BCAS3: variants seen among roughly 807,000 people sequenced by gnomAD.
The protein encoded by BCAS3 is BCAS4/BCAS3 fusion.
Under a neutral mutation model 116.1 loss-of-function variants are expected in BCAS3, and 53 were observed. The observed-to-expected ratio is 0.46, with a 90% CI of 0.37 to 0.57. The LOEUF (loss-of-function observed/expected upper bound fraction) is 0.57, where lower values mean the gene tolerates loss of function less well. BCAS3 is among the 20% of genes least tolerant of loss of function. The pLI is 0.00. For missense variants in BCAS3, 917 were observed against 1,165.4 expected (o/e 0.79, Z 3.10); for synonymous variants, 391 against 408.2 (o/e 0.96, Z 0.51).
chr17:61,095,818 G>C lies in BCAS3; in HGVS notation c.2425+11254G>C, dbSNP rs559899787. Among the ~76,000 whole-genome samples the C allele has an allele frequency of 2.8e-4, 43 of 151,114 alleles. No individual in the cohort carries two copies. The highest frequency in any genetic ancestry group is 2.8e-3 in the Admixed American group (43 of 15,154). On this transcript the variant is annotated intron_variant, in intron 22 of 23. Transcript: ENST00000407086. The surrounding 1 kb of genome is among the most constrained non-coding windows in gnomAD (Gnocchi z 4.7). ...TGGGATCCTGAATTTTAAAATGTTT[G>C]AAAACCACTGGTATGCATATTCTCG... is the stretch of plus-strand genomic sequence containing the variant.
At chr17:61,321,472 A>C (rs2055205016) in intron 22 of BCAS3, among the ~76,000 whole-genome samples, 1 of 152,202 alleles carries the variant, frequency 6.6e-6, no homozygotes, top group Non-Finnish European at 1.5e-5. Context: ...CAAAAGCAGC[A>C]ATGGTGAGTG....
Position 61,366,051 on chromosome 17 carries a change from G to A in BCAS3, c.2426-2276G>A, listed in dbSNP as rs1300359707. Among the ~76,000 whole-genome samples the A allele has an allele frequency of 1.3e-5, 2 of 151,870 alleles. No homozygotes were observed. The highest frequency in any genetic ancestry group is 4.8e-5 in the African/African-American group (2 of 41,320). ...CCAGCTACTCGGGAGGCTGAGACAC[G>A]AGAATCGCCTGGACCCAGGAGGCAG... On this transcript the variant is annotated intron_variant, in intron 22 of 23. Coordinates refer to ENST00000407086, the MANE Select transcript of BCAS3 (RefSeq NM_017679.5). This position sits in a 1 kb window ranked among gnomAD's most constrained non-coding sequence, Gnocchi z 4.5.
Position 60,919,910 on chromosome 17 carries a change from T to C in BCAS3, c.994-4497T>C, listed in dbSNP as rs184999029. 3.1e-3 allele frequency among the ~76,000 whole-genome samples: 476 copies of C among 152,222 alleles called. 1 individual carries two copies. Among genetic ancestry groups the C allele is most frequent in the Middle Eastern group, 0.017 (5 of 294 alleles). On this transcript the variant is annotated intron_variant, in intron 12 of 23. Coordinates refer to ENST00000407086, the MANE Select transcript of BCAS3 (RefSeq NM_017679.5). ...AACAGAGGACTTAAAATATTAATGC[T>C]AAAAATATTTTCTAAACACAAAAGA...
intron 13 of BCAS3, among the ~76,000 whole-genome samples, chr17:60,931,070 C>T (rs1432782390): frequency 6.6e-6 from 1 of 151,570 alleles, no homozygotes; most frequent in African/African-American, 2.4e-5. Flanking sequence ...TTTTTAATTC[C>T]CATTCTTATT....
intron 22 of BCAS3, among the ~76,000 whole-genome samples, chr17:61,271,262 G>A (rs1399628729): frequency 6.7e-6 from 1 of 149,908 alleles, no homozygotes; most frequent in Non-Finnish European, 1.5e-5. Flanking sequence ...CAAGTAGCTG[G>A]GATTACAGGC....
At chr17:61,018,750 C>G (rs1466554473) in intron 16 of BCAS3, among the ~76,000 whole-genome samples, 4 of 152,082 alleles carry the variant, frequency 2.6e-5, no homozygotes, top group African/African-American at 7.2e-5. Context: ...TACCCTTATC[C>G]CTACATACTT....
At chr17:61,159,051 T>C (rs1049021131) in intron 22 of BCAS3, among the ~76,000 whole-genome samples, 2 of 152,356 alleles carry the variant, frequency 1.3e-5, no homozygotes, top group African/African-American at 2.4e-5. Context: ...ATTCATACAT[T>C]TTATCCTTTA....
chr17:60,775,154 T>A (rs999461203), intron 6 of BCAS3, among the ~76,000 whole-genome samples: 2 of 152,224 alleles, frequency 1.3e-5, no homozygotes, highest in African/African-American at 4.8e-5. Context: ...TTCAAACACT[T>A]TGAAAGATGC....
intron 6 of BCAS3, among the ~76,000 whole-genome samples, chr17:60,801,576 G>C (rs1472940096): frequency 6.6e-6 from 1 of 151,978 alleles, no homozygotes; most frequent in African/African-American, 2.4e-5. Context: ...TCTGACCTCA[G>C]AGGAAAAGCA....
At chr17:60,799,520 G>GTTTTT (rs200098763) in intron 6 of BCAS3, among the ~76,000 whole-genome samples, 2,428 of 117,366 alleles carry the variant, frequency 0.021, 250 homozygotes, top group African/African-American at 0.046. Context: ...TGAGATTAGT[G>GTTTTT]TTTGTTTTTT....
At chr17:61,103,061 A>T (rs534562358) in intron 22 of BCAS3, among the ~76,000 whole-genome samples, 96 of 152,236 alleles carry the variant, frequency 6.3e-4, no homozygotes, top group Middle Eastern at 3.4e-3. Context: ...TTTTAGCTAT[A>T]ATGTGCTTTG....
chr17:61,352,748 C>T lies in BCAS3; in HGVS notation c.2426-15579C>T, dbSNP rs1231115243. On this transcript the variant is annotated intron_variant, in intron 22 of 23. Coordinates refer to ENST00000407086, the MANE Select transcript of BCAS3 (RefSeq NM_017679.5). The surrounding 1 kb of genome is among the most constrained non-coding windows in gnomAD (Gnocchi z 4.7). ...AAGTGGAGCCTTCTCTGCAGGCAAG[C>T]CTGGACTCCCCACCCCTCTCCTCTA... Among the ~76,000 whole-genome samples the T allele has an allele frequency of 6.6e-6, 1 of 152,168 alleles. No homozygotes were observed. The highest frequency in any genetic ancestry group is 6.5e-5 in the Admixed American group (1 of 15,282).
rs182507467 is a variant in BCAS3 at position 60,946,638 on chromosome 17, G to A, written c.1088-581G>A. ...TTGAAAAATGATTGTGGCTGGGCACGGTGGCTCATGCCTGTAATCTCAGAG... is the reference window on the plus strand; with the variant it reads ...TTGAAAAATGATTGTGGCTGGGCACAGTGGCTCATGCCTGTAATCTCAGAG... On this transcript the variant is annotated intron_variant, in intron 13 of 23. Transcript: ENST00000407086. Among the ~76,000 whole-genome samples, 23 of 152,244 alleles carry A rather than the reference G, an allele frequency of 1.5e-4. No individual in the cohort carries two copies. The East Asian group carries it at 4.1e-3, about 27-fold the overall frequency.
At chr17:60,789,744 G>C (rs1264138428) in intron 6 of BCAS3, among the ~76,000 whole-genome samples, 1 of 152,160 alleles carries the variant, frequency 6.6e-6, no homozygotes, top group African/African-American at 2.4e-5. Context: ...GGAGGATTAT[G>C]TTATGGGAGG....
rs1177467985 is a variant in BCAS3 at position 60,990,339 on chromosome 17, AAAG to A, written c.1486+109_1486+111del. ...AACTTGTTATAGTCTGTTCATGTAA[AAAG>A]AAGATCTTAGGCTTATATGAAATTC... On this transcript the variant is annotated intron_variant, in intron 15 of 23. Transcript: ENST00000407086. This position sits in a 1 kb window ranked among gnomAD's most constrained non-coding sequence, Gnocchi z 5.1. 3 of 1,250,662 alleles carry A rather than the reference AAAG, an allele frequency of 2.4e-6. No individual in the cohort carries two copies. Among genetic ancestry groups the A allele is most frequent in the East Asian group, 2.3e-5 (1 of 42,674 alleles). 77.5% of individuals were successfully genotyped at this position (1,250,662 alleles called of 1,614,324 possible).
chr17:60,758,341 T>G (rs1166538405), intron 6 of BCAS3, among the ~76,000 whole-genome samples: 2 of 152,188 alleles, frequency 1.3e-5, no homozygotes, highest in Non-Finnish European at 1.5e-5. Context: ...AAGAACCAAC[T>G]TTTTGTTTCA....
At position 61,106,955 on chromosome 17, in the gene BCAS3, T is replaced by G. The variant is rs950738569; in HGVS notation, c.2425+22391T>G. 6.6e-6 allele frequency among the ~76,000 whole-genome samples: 1 copy of G among 152,194 alleles called. No individual in the cohort carries two copies. The highest frequency in any genetic ancestry group is 1.5e-5 in the Non-Finnish European group (1 of 68,034). Reference sequence around the variant, plus strand: ...AGAATACGTATATTTTTAAGTCACTTTATGTTTACATATTGCCAGGTTGCC... The same window carrying G: ...AGAATACGTATATTTTTAAGTCACTGTATGTTTACATATTGCCAGGTTGCC... On this transcript the variant is annotated intron_variant, in intron 22 of 23. Transcript: ENST00000407086. The surrounding 1 kb of genome is among the most constrained non-coding windows in gnomAD (Gnocchi z 4.2).
rs775455297 is a variant in BCAS3 at position 61,259,408 on chromosome 17, C to T, written c.2426-108919C>T. Among the ~76,000 whole-genome samples the T allele has an allele frequency of 7.2e-5, 11 of 152,108 alleles. No individual in the cohort carries two copies. The highest frequency in any genetic ancestry group is 1.2e-4 in the African/African-American group (5 of 41,438). On this transcript the variant is annotated intron_variant, in intron 22 of 23. Transcript: ENST00000407086. The surrounding 1 kb of genome is among the most constrained non-coding windows in gnomAD (Gnocchi z 4.7). ...GTTCCTTCTTGGAGTCCAGCTCTGACTTTAATAGCACAGTAACTGCCAGTT... is the reference window on the plus strand; with the variant it reads ...GTTCCTTCTTGGAGTCCAGCTCTGATTTTAATAGCACAGTAACTGCCAGTT...
At chr17:61,193,211 G>A (rs542726040) in intron 22 of BCAS3, among the ~76,000 whole-genome samples, 52 of 152,196 alleles carry the variant, frequency 3.4e-4, no homozygotes, top group African/African-American at 8.4e-4. Flanking sequence ...GCAGTGAGCC[G>A]AGATCATGGC....
Sources: allele counts gnomAD v4.1 joint callset (sites outside exome capture counted in the v4.1 genomes callset), GRCh38; gene constraint gnomAD v4.1.1; non-coding constraint Gnocchi (gnomAD v3.1); transcripts MANE v1.5; gene names NCBI Gene and HGNC (gene_info 2026-07-23, HGNC 2026-07-21).